The following CTNNA2 variants were observed in gnomAD, a reference collection of about 807,000 sequenced individuals.
CTNNA2 encodes catenin alpha 2, also known as catenin alpha-2.
In CTNNA2, 42 loss-of-function variants were observed where a neutral mutation model predicts 101.0. The observed-to-expected ratio is 0.42, with a 90% confidence interval of 0.32 to 0.54. The LOEUF (loss-of-function observed/expected upper bound fraction) is 0.54, where lower values mean the gene tolerates loss of function less well. Ranked by LOEUF, CTNNA2 falls within the 20% of genes least tolerant of loss-of-function variation. The probability of loss-of-function intolerance (pLI) is 0.14; values close to 1 mark genes in which losing one functional copy is unlikely to be tolerated. For missense variants in CTNNA2, 871 were observed against 1,223.1 expected, an observed-to-expected ratio of 0.71 and a Z score of 4.29; for synonymous variants, 450 against 456.4, an observed-to-expected ratio of 0.99 and a Z score of 0.18.
intron 1 of CTNNA2, among the ~76,000 whole-genome samples, chr2:79,644,549 G>A (rs1680672322): frequency 6.6e-6 from 1 of 152,156 alleles, no homozygotes; most frequent in Admixed American, 6.5e-5. Context: ...ACATCTCACA[G>A]GTTCCTTCTC....
At chr2:80,127,365 G>A (rs1424716160) in intron 7 of CTNNA2, among the ~76,000 whole-genome samples, 1 of 152,116 alleles carries the variant, frequency 6.6e-6, no homozygotes, top group African/African-American at 2.4e-5. Context: ...GCCTTTTGGG[G>A]CAGAAGAATA....
chr2:79,749,826 A>T (rs537002955), intron 3 of CTNNA2, among the ~76,000 whole-genome samples: 21 of 152,356 alleles, frequency 1.4e-4, no homozygotes, highest in South Asian at 1.0e-3. Context: ...GGGATTAAAA[A>T]AACGCTAAAT....
At chr2:79,768,445 A>G (rs1001528839) in intron 3 of CTNNA2, among the ~76,000 whole-genome samples, 1 of 151,526 alleles carries the variant, frequency 6.6e-6, no homozygotes, top group Non-Finnish European at 1.5e-5. Context: ...TTTTCTCTAT[A>G]TAGATAGTTG....
At chr2:79,927,360 G>C (rs985372992) in intron 7 of CTNNA2, among the ~76,000 whole-genome samples, 1 of 152,126 alleles carries the variant, frequency 6.6e-6, no homozygotes, top group African/African-American at 2.4e-5. Context: ...TGGCTCTTGA[G>C]AGTGTCCATG....
chr2:80,075,619 T>A lies in CTNNA2; in HGVS notation c.1056+165822T>A, dbSNP rs1341276764. Among the ~76,000 whole-genome samples, 61 of 100,794 alleles carry A rather than the reference T, an allele frequency of 6.1e-4. 7 individuals are homozygous for A. The highest frequency in any genetic ancestry group is 2.1e-3 in the African/African-American group (46 of 22,374). 66.1% of individuals were successfully genotyped at this position (100,794 alleles called of 152,430 possible). A position where few individuals can be genotyped will look rare whatever the true frequency, so the allele number is the denominator to read the frequency against. Reference sequence around the variant, plus strand: ...ATATAAATATTTATACATGTATAAATATAAATATTTATACATGTATAAATA... The same window carrying A: ...ATATAAATATTTATACATGTATAAAAATAAATATTTATACATGTATAAATA... On this transcript the variant is annotated intron_variant, in intron 7 of 18. Transcript: ENST00000402739.
rs575967849 is a variant in CTNNA2, at chr2:80,636,759, T to C, written c.2575-10826T>C. ...TTAAACATCAGCTTCCCAGGCTAGA[T>C]TGCCTTTCCTACACCTTCTAGTAGA... On this transcript the variant is annotated intron_variant, in intron 18 of 18. Coordinates refer to ENST00000402739, the MANE Select transcript of CTNNA2 (RefSeq NM_001282597.3). Among the ~76,000 whole-genome samples the C allele has an allele frequency of 5.9e-5, 9 of 152,264 alleles. 2 individuals are homozygous for C. The highest frequency in any genetic ancestry group is 2.2e-4 in the African/African-American group (9 of 41,562).
intron 7 of CTNNA2, among the ~76,000 whole-genome samples, chr2:80,242,108 T>C (rs1352696620): frequency 6.6e-6 from 1 of 152,204 alleles, no homozygotes; most frequent in African/African-American, 2.4e-5. Context: ...ATTCTCTGAA[T>C]TCCATAAAAG....
rs562974750 is a variant in CTNNA2, at chr2:79,457,419, T to G, written c.-134-47635T>G. ...AGTGTTGTGTGACCTGTTACATTTTTCTAATAGAAAAAAATGAAATATTGA... is the reference window on the plus strand; with the variant it reads ...AGTGTTGTGTGACCTGTTACATTTTGCTAATAGAAAAAAATGAAATATTGA... On this transcript the variant is annotated intron_variant, in intron 4 of 21. Transcript: ENST00000466387. Among the ~76,000 whole-genome samples the G allele has an allele frequency of 8.5e-5, 13 of 152,198 alleles. No homozygotes were observed. The South Asian group carries it at 2.7e-3, about 32-fold the overall frequency.
chr2:79,194,394 C>G (rs911551267), intron 1 of CTNNA2, among the ~76,000 whole-genome samples: 1 of 152,170 alleles, frequency 6.6e-6, no homozygotes, highest in Non-Finnish European at 1.5e-5. Flanking sequence ...TTATATCATT[C>G]CATTTCAGAC....
Position 80,640,117 on chromosome 2 carries a change from CAAA to C in CTNNA2, c.2575-7464_2575-7462del, listed in dbSNP as rs374266410. Among the ~76,000 whole-genome samples the C allele has an allele frequency of 9.2e-4, 140 of 151,862 alleles. 1 individual carries two copies. Among genetic ancestry groups the C allele is most frequent in the African/African-American group, 3.2e-3 (134 of 41,430 alleles). On this transcript the variant is annotated intron_variant, in intron 18 of 18. Transcript: ENST00000402739. The stretch of plus-strand genomic sequence containing the variant: ...AACATCTCAAAAAAAAACAAAAAAA[CAAA>C]AAAGTCAGTATCAGACAATATTTGA...
At chr2:80,530,683 G>T (rs763485453) in intron 9 of CTNNA2, among the ~76,000 whole-genome samples, 2 of 152,180 alleles carry the variant, frequency 1.3e-5, no homozygotes, top group Admixed American at 6.5e-5. Context: ...GAGAGTATCA[G>T]AGATGGTGCT....
intron 7 of CTNNA2, among the ~76,000 whole-genome samples, chr2:80,215,451 C>T (rs1040751991): frequency 6.6e-6 from 1 of 152,122 alleles, no homozygotes; most frequent in African/African-American, 2.4e-5. Flanking sequence ...GTGTGGATGT[C>T]CTTTCTGTTT....
chr2:79,789,657 G>A (rs114625052), intron 3 of CTNNA2, among the ~76,000 whole-genome samples: 259 of 152,204 alleles, frequency 1.7e-3, no homozygotes, highest in African/African-American at 5.7e-3. Context: ...CTATGTGGTA[G>A]TGCAAAGGAC....
chr2:79,400,655 A>C (rs567731004), intron 4 of CTNNA2, among the ~76,000 whole-genome samples: 29 of 152,094 alleles, frequency 1.9e-4, no homozygotes, highest in African/African-American at 5.8e-4. Flanking sequence ...AAATCTGTAG[A>C]ACCTCATCAG....
At chr2:80,621,451 A>ATT (rs1347708362) in intron 18 of CTNNA2, among the ~76,000 whole-genome samples, 1 of 151,958 alleles carries the variant, frequency 6.6e-6, no homozygotes, top group African/African-American at 2.4e-5. Context: ...AGACAACGTC[A>ATT]TTTGATTAAT....
At chr2:79,386,214 T>TG (rs1678104521) in intron 4 of CTNNA2, among the ~76,000 whole-genome samples, 1 of 152,226 alleles carries the variant, frequency 6.6e-6, no homozygotes, top group Non-Finnish European at 1.5e-5. Context: ...GAGTAGATTC[T>TG]ACTCATCTAC....
chr2:80,010,318 A>T (rs1162344527), intron 7 of CTNNA2, among the ~76,000 whole-genome samples: 1 of 151,726 alleles, frequency 6.6e-6, no homozygotes, highest in Admixed American at 6.6e-5. Flanking sequence ...GTGTTAAGTG[A>T]TTATTATTAT....
At chr2:80,406,501 G>A (rs1679074684) in intron 8 of CTNNA2, among the ~76,000 whole-genome samples, 1 of 151,914 alleles carries the variant, frequency 6.6e-6, no homozygotes, top group African/African-American at 2.4e-5. Flanking sequence ...ATGTGGCCCT[G>A]AGGCTGTATC....
intron 4 of CTNNA2, among the ~76,000 whole-genome samples, chr2:79,387,230 C>T (rs540284048): frequency 2.0e-4 from 31 of 152,302 alleles, no homozygotes; most frequent in African/African-American, 7.2e-4. Context: ...TACCTTTCTG[C>T]GCTCTGGGCA....
Sources: gnomAD v4.1 joint callset for allele counts (sites outside exome capture counted in the v4.1 genomes callset) on GRCh38, gnomAD v4.1.1 for gene constraint, MANE v1.5 for transcripts, NCBI Gene and HGNC (gene_info 2026-07-23, HGNC 2026-07-21) for gene names.